TBXAS1: variants seen among roughly 807,000 people sequenced by gnomAD.
The protein encoded by TBXAS1 is thromboxane-A synthase.
Under a neutral mutation model 60.7 loss-of-function variants are expected in TBXAS1, and 48 were observed. That is an observed-to-expected ratio of 0.79 (90% CI 0.63 to 1.01). TBXAS1 has a LOEUF of 1.01. Among genes scored for constraint, TBXAS1 ranks in the 50% least tolerant of loss-of-function variants. The pLI is 0.00. For synonymous variants in TBXAS1, 287 were observed against 269.7 expected, an observed-to-expected ratio of 1.06 and a Z score of -0.63; for missense variants, 685 against 686.3, an observed-to-expected ratio of 1.00 and a Z score of 0.02.
intron 1 of TBXAS1, among the ~76,000 whole-genome samples, chr7:139,857,497 A>G (rs1484974907): frequency 1.3e-5 from 2 of 152,146 alleles, no homozygotes; most frequent in Non-Finnish European, 2.9e-5. Flanking sequence ...AACAAAAGCC[A>G]CCCCTGAAGT....
At chr7:139,970,343 G>C (rs1471646441) in intron 9 of TBXAS1, among the ~76,000 whole-genome samples, 3 of 152,208 alleles carry the variant, frequency 2.0e-5, no homozygotes, top group Admixed American at 6.5e-5. Flanking sequence ...CTGACCTCAG[G>C]TGATCTGCCC....
chr7:139,834,643 A>C (rs1798937421), intron 1 of TBXAS1, among the ~76,000 whole-genome samples: 1 of 152,242 alleles, frequency 6.6e-6, no homozygotes, highest in Non-Finnish European at 1.5e-5. Flanking sequence ...GAGGTATTAC[A>C]ACTGACACCA....
At chr7:139,794,867 G>A (rs1311818908) in intron 4 of TBXAS1, among the ~76,000 whole-genome samples, 3 of 149,742 alleles carry the variant, frequency 2.0e-5, no homozygotes, top group Non-Finnish European at 4.4e-5. Context: ...TGGCTGCATA[G>A]TATTCCATGG....
chr7:139,937,976 T>C (rs1291047219), intron 5 of TBXAS1, among the ~76,000 whole-genome samples: 1 of 152,044 alleles, frequency 6.6e-6, no homozygotes, highest in Non-Finnish European at 1.5e-5. Flanking sequence ...CTGCCTAAGT[T>C]TGGAACCAAC....
At chr7:139,826,106 A>G (rs1361592704), upstream of TBXAS1, among the ~76,000 whole-genome samples, 1 of 152,178 alleles carries the variant, frequency 6.6e-6, no homozygotes, top group East Asian at 1.9e-4. Context: ...ATCCGTGACC[A>G]CGATGAGTCA....
chr7:139,959,925 C>G (rs1810194929), intron 8 of TBXAS1, among the ~76,000 whole-genome samples: 1 of 152,200 alleles, frequency 6.6e-6, no homozygotes, highest in South Asian at 2.1e-4. Flanking sequence ...CCCAGCTCTG[C>G]TCCATGGGAG....
intron 9 of TBXAS1, among the ~76,000 whole-genome samples, chr7:139,998,180 G>A (rs758080816): frequency 3.3e-5 from 5 of 152,204 alleles, no homozygotes; most frequent in South Asian, 2.1e-4. Context: ...GTAATCTCTC[G>A]TGTTAGAAGT....
rs573326838 is a variant in TBXAS1 at position 139,994,832 on chromosome 7, G to C, written c.1135-12259G>C. Among the ~76,000 whole-genome samples, 4 of 152,336 alleles carry C rather than the reference G, an allele frequency of 2.6e-5. No homozygotes were observed. The East Asian group carries it at 7.7e-4, about 29-fold the overall frequency. ...GAGCTGTTCAATAATAGATTCCCAG[G>C]CGTGAGGGAGGCCTTATTAATAAAT... is the stretch of plus-strand genomic sequence containing the variant. On this transcript the variant is annotated intron_variant, in intron 9 of 12. Coordinates refer to ENST00000448866, the MANE Select transcript of TBXAS1 (RefSeq NM_001061.7).
intron 4 of TBXAS1, among the ~76,000 whole-genome samples, chr7:139,822,435 G>T (rs1008862683): frequency 2.0e-5 from 3 of 151,946 alleles, no homozygotes; most frequent in African/African-American, 7.3e-5. Flanking sequence ...CTATGGCTTT[G>T]CCCCATCCAC....
At chr7:139,787,057 G>T (rs1205439797) in intron 3 of TBXAS1, among the ~76,000 whole-genome samples, 1 of 152,164 alleles carries the variant, frequency 6.6e-6, no homozygotes, top group Non-Finnish European at 1.5e-5. Context: ...TTTTTAGGAA[G>T]AATTTAGTTT....
At chr7:139,866,649 T>G (rs2116767109) in intron 1 of TBXAS1, among the ~76,000 whole-genome samples, 1 of 151,452 alleles carries the variant, frequency 6.6e-6, no homozygotes, top group African/African-American at 2.4e-5. Flanking sequence ...TCCCAGCTAC[T>G]TCGGAGGCTG....
intron 10 of TBXAS1, among the ~76,000 whole-genome samples, chr7:140,009,576 C>T (rs1187191144): frequency 1.3e-5 from 2 of 148,448 alleles, no homozygotes; most frequent in Non-Finnish European, 3.0e-5. Flanking sequence ...CCCACACCCG[C>T]CCCACACCTT....
Position 139,962,060 on chromosome 7 carries a change from C to T in TBXAS1, c.961C>T (p.Pro321Ser), listed in dbSNP as rs779880644. The T allele has an allele frequency of 5.6e-6, 9 of 1,614,246 alleles. No individual in the cohort carries two copies. The South Asian group carries it at 9.9e-5, about 18-fold the overall frequency. Residue 321 changes from proline to serine, a missense_variant, in exon 9 of 13, where the codon CCT becomes TCT. Transcript: ENST00000448866. ...PNPSRQHQPSPMARPLTVDEI... is the reference protein window; with the variant it reads ...PNPSRQHQPSSMARPLTVDEI... ...CCCTTCCCGGCAACACCAGCCCAGC[C>T]CTATGGCCAGGCCTTTGACTGTGGA...
At chr7:139,909,722 C>T (rs1434681136) in intron 3 of TBXAS1, among the ~76,000 whole-genome samples, 4 of 152,210 alleles carry the variant, frequency 2.6e-5, no homozygotes, top group Non-Finnish European at 5.9e-5. Flanking sequence ...TAAATAAGTG[C>T]TAGAGTAAAA....
intron 1 of TBXAS1, among the ~76,000 whole-genome samples, chr7:139,830,433 A>C (rs1798628737): frequency 6.6e-6 from 1 of 152,224 alleles, no homozygotes; most frequent in African/African-American, 2.4e-5. Flanking sequence ...CATAGCTGAG[A>C]GTGGAATTCA....
At chr7:139,989,449 C>T (rs542567399) in intron 9 of TBXAS1, among the ~76,000 whole-genome samples, 2 of 152,364 alleles carry the variant, frequency 1.3e-5, no homozygotes, top group Admixed American at 1.3e-4. Flanking sequence ...TGTCTAACGA[C>T]ATCGTGAGCG....
intron 9 of TBXAS1, among the ~76,000 whole-genome samples, chr7:139,977,157 T>C (rs1207243332): frequency 6.6e-6 from 1 of 150,560 alleles, no homozygotes; most frequent in Non-Finnish European, 1.5e-5. Flanking sequence ...TCTAGGAGGG[T>C]GTATTAGTCC....
chr7:139,885,508 T>C (rs985535150), intron 3 of TBXAS1, among the ~76,000 whole-genome samples: 7 of 152,214 alleles, frequency 4.6e-5, no homozygotes, highest in Admixed American at 6.5e-5. Context: ...TATGCATATA[T>C]CTTTTGTCAA....
intron 3 of TBXAS1, among the ~76,000 whole-genome samples, chr7:139,889,549 T>C (rs189423929): frequency 1.9e-3 from 293 of 152,350 alleles, no homozygotes; most frequent in Middle Eastern, 3.4e-3. Flanking sequence ...TATAACAAAG[T>C]GCCATAGACT....
Sources: gnomAD v4.1 joint callset for allele counts (sites outside exome capture counted in the v4.1 genomes callset) on GRCh38, gnomAD v4.1.1 for gene constraint, MANE v1.5 for transcripts, NCBI Gene and HGNC (gene_info 2026-07-23, HGNC 2026-07-21) for gene names.